Variants in ZNF317 observed in about 807,000 individuals in gnomAD.
ZNF317 encodes KRAB-containing zinc finger protein 317.
Under a neutral mutation model 23.4 loss-of-function variants are expected in ZNF317, and 17 were observed. The observed-to-expected ratio is 0.73, with a 90% confidence interval of 0.50 to 1.09. The LOEUF (loss-of-function observed/expected upper bound fraction) is 1.09. ZNF317 is among the 50% of genes least tolerant of loss of function. The pLI is 0.00. For synonymous variants in ZNF317, 317 were observed against 314.9 expected, an observed-to-expected ratio of 1.01 and a Z score of -0.07; for missense variants, 679 against 796.7, an observed-to-expected ratio of 0.85 and a Z score of 1.78.
At position 9,161,320 on chromosome 19, in the gene ZNF317, G is replaced by A. The variant is rs775330332; in HGVS notation, c.1675G>A (p.Glu559Lys). Residue 559 changes from glutamate to lysine, a missense_variant, in exon 7 of 7, where the codon GAA becomes AAA. Physicochemically the swap from Glu to Lys is moderately conservative, Grantham distance 56 (BLOSUM62 1). Transcript: ENST00000247956. The surrounding 1 kb of genome is among the most constrained non-coding windows in gnomAD (Gnocchi z 4.0). ...RRIHTGEKPYECLVCGKAFSD... is the reference protein window; with the variant it reads ...RRIHTGEKPYKCLVCGKAFSD... ...GATCCACACCGGGGAGAAGCCCTACGAATGCCTTGTCTGCGGGAAAGCCTT... is the reference window on the plus strand; with the variant it reads ...GATCCACACCGGGGAGAAGCCCTACAAATGCCTTGTCTGCGGGAAAGCCTT... 10 of 1,613,880 alleles carry A rather than the reference G, an allele frequency of 6.2e-6. No homozygotes were observed. Among genetic ancestry groups the A allele is most frequent in the Admixed American group, 1.7e-5 (1 of 59,992 alleles).
chr19:9,147,330 G>GT (rs35259257), intron 1 of ZNF317, among the ~76,000 whole-genome samples: 1,111 of 110,104 alleles, frequency 0.01, 89 homozygotes, highest in African/African-American at 0.016. Context: ...AATGACACTG[G>GT]TTTTTTTTTT....
intron 5 of ZNF317, 23 bp downstream of exon 5, chr19:9,158,098 G>C: frequency 6.5e-7 from 1 of 1,546,086 alleles, no homozygotes; most frequent in South Asian, 1.2e-5. Context: ...CAGGCAAAGA[G>C]CGGTGCTGTG....
Position 9,147,852 on chromosome 19 carries a change from CAT to C in ZNF317, c.-93+7263_-93+7264del, listed in dbSNP as rs147207913. 2.5e-3 allele frequency among the ~76,000 whole-genome samples: 384 copies of C among 152,270 alleles called. 2 individuals carry two copies. Among genetic ancestry groups the C allele is most frequent in the African/African-American group, 8.6e-3 (356 of 41,552 alleles). On this transcript the variant is annotated intron_variant, in intron 1 of 6. Coordinates refer to ENST00000247956, the MANE Select transcript of ZNF317 (RefSeq NM_020933.5). ...CCGCCCCCTCCCCCCCTCCAAATCT[CAT>C]ATGGAAATGTAATTCCCAATATTGG...
chr19:9,159,111 G>T (rs2050819565), intron 6 of ZNF317, among the ~76,000 whole-genome samples: 1 of 152,218 alleles, frequency 6.6e-6, no homozygotes, highest in South Asian at 2.1e-4. Flanking sequence ...TCTGAGTGAA[G>T]ATTTTTATAG....
rs34153792 is a variant in ZNF317 at position 9,143,739 on chromosome 19, T to TCC, written c.-93+3152_-93+3153dup. On this transcript the variant is annotated intron_variant, in intron 1 of 6. Coordinates refer to ENST00000247956, the MANE Select transcript of ZNF317 (RefSeq NM_020933.5). ...TCATCCATTTCTCCTTAGAATTCTG[T>TCC]CCCCCCTTTTTTTTTTTTAATTTTT... is the stretch of plus-strand genomic sequence containing the variant. 2.6e-3 allele frequency among the ~76,000 whole-genome samples: 381 copies of TCC among 144,250 alleles called. 2 individuals are homozygous for TCC. Among genetic ancestry groups the TCC allele is most frequent in the African/African-American group, 9.1e-3 (348 of 38,302 alleles). The allele number at this position is 144,250 out of a possible 152,430, so 94.6% of individuals were successfully genotyped here. A position where few individuals can be genotyped will look rare whatever the true frequency, so the allele number is the denominator to read the frequency against.
chr19:9,158,731 A>G (rs1304535645), intron 5 of ZNF317, 95 bp from the exon 6 acceptor site: 14 of 823,216 alleles, frequency 1.7e-5, no homozygotes, highest in Non-Finnish European at 2.7e-5. Context: ...TTCCTTACAT[A>G]GCCTTAGGAT....
rs2050802515 is a variant in ZNF317 at position 9,157,849 on chromosome 19, C to G, written c.290-131C>G. ...TGTTCCTTAGAAATTTTGGCACCAC[C>G]ATTTTGCTGCTCCTAAGTCAGACTT... On this transcript the variant is annotated intron_variant, in intron 4 of 6. Transcript: ENST00000247956. 4.3e-6 allele frequency: 6 copies of G among 1,405,948 alleles called. No homozygotes were observed. The South Asian group carries it at 8.5e-5, about 20-fold the overall frequency. The allele number at this position is 1,405,948 out of a possible 1,614,324, so 87.1% of individuals were successfully genotyped here.
In ZNF317 at chr19:9,156,054, G is replaced by T. The variant is rs767910664; in HGVS notation, c.25+13G>T. The T allele has an allele frequency of 9.9e-6, 16 of 1,614,030 alleles. No individual in the cohort carries two copies. In the African/African-American group the frequency reaches 1.7e-4, roughly 18 times the overall value. On this transcript the variant is annotated intron_variant, in intron 2 of 6. Transcript: ENST00000247956. ...TCCCCCACATTTGGTAAGTTCTTGGGTCAGTGCGTGCCCTGAGAAAGTGAG... is the reference window on the plus strand; with the variant it reads ...TCCCCCACATTTGGTAAGTTCTTGGTTCAGTGCGTGCCCTGAGAAAGTGAG...
At chr19:9,153,154 TTGTTTG>T (rs2050751040) in intron 1 of ZNF317, among the ~76,000 whole-genome samples, 4 of 139,700 alleles carry the variant, frequency 2.9e-5, no homozygotes, top group South Asian at 2.1e-4. Context: ...TTGTTTTTGT[TTGTTTG>T]TTTGTTTGTT....
Position 9,160,269 on chromosome 19 carries a change from C to T in ZNF317, c.624C>T (p.His208=). 3 of 1,614,184 alleles carry T rather than the reference C, an allele frequency of 1.9e-6. No homozygotes were observed. The highest frequency in any genetic ancestry group is 2.5e-6 in the Non-Finnish European group (3 of 1,180,036). The change falls in exon 7 of 7, where the codon CAC becomes CAT. Residue 208 remains histidine, a synonymous_variant. Coordinates refer to ENST00000247956, the MANE Select transcript of ZNF317 (RefSeq NM_020933.5). This position sits in a 1 kb window ranked among gnomAD's most constrained non-coding sequence, Gnocchi z 6.8. ...DYGVAFKGRP[H]LTQHMSMYDG... is the part of the protein sequence containing the mutation. Reference sequence around the variant, plus strand: ...GGGTAGCGTTCAAGGGCAGGCCGCACCTCACTCAGCACATGAGCATGTACG... The same window carrying T: ...GGGTAGCGTTCAAGGGCAGGCCGCATCTCACTCAGCACATGAGCATGTACG...
chr19:9,152,999 A>C (rs1319824637), intron 1 of ZNF317, among the ~76,000 whole-genome samples: 1 of 152,166 alleles, frequency 6.6e-6, no homozygotes, highest in East Asian at 1.9e-4. Flanking sequence ...TAGTAATTCT[A>C]GCTGTAGTTT....
At chr19:9,145,227 TA>T (rs1477208783) in intron 1 of ZNF317, among the ~76,000 whole-genome samples, 1 of 152,214 alleles carries the variant, frequency 6.6e-6, no homozygotes. Context: ...GTATTTTTAG[TA>T]AAGACAAGGT....
rs777668084 is a variant in ZNF317 at position 9,160,999 on chromosome 19, G to T, written c.1354G>T (p.Gly452Trp). The T allele has an allele frequency of 3.7e-6, 6 of 1,614,188 alleles. No homozygotes were observed. Among genetic ancestry groups the T allele is most frequent in the Non-Finnish European group, 5.1e-6 (6 of 1,180,042 alleles). Reference protein sequence around the residue: ...GEKPYGCDLCGKAFSASSNLT... With the variant: ...GEKPYGCDLCWKAFSASSNLT... ...GAAACCATACGGGTGCGATCTCTGC[G>T]GGAAAGCTTTCAGCGCGAGTTCAAA... is the stretch of plus-strand genomic sequence containing the variant. The change falls in exon 7 of 7, where the codon GGG becomes TGG. Residue 452 changes from glycine to tryptophan, a missense_variant. Transcript: ENST00000247956. The surrounding 1 kb of genome is among the most constrained non-coding windows in gnomAD (Gnocchi z 6.8).
intron 1 of ZNF317, among the ~76,000 whole-genome samples, chr19:9,148,006 G>T (rs553234041): frequency 6.6e-6 from 1 of 152,056 alleles, no homozygotes; most frequent in Non-Finnish European, 1.5e-5. Context: ...TCATTTACAC[G>T]TGTGTGGCAC....
Position 9,158,363 on chromosome 19 carries a change from CTTTTTTTTT to C in ZNF317, c.385+308_385+316del, listed in dbSNP as rs200591339. Among the ~76,000 whole-genome samples the C allele has an allele frequency of 4.2e-4, 32 of 76,532 alleles. 1 individual carries two copies. The highest frequency in any genetic ancestry group is 1.3e-3 in the South Asian group (3 of 2,288). 50.2% of individuals were successfully genotyped at this position (76,532 alleles called of 152,430 possible). ...CTGAATTGCCTTAAATTTCTTTTTT[CTTTTTTTTT>C]TTTTTTTTTTTTTTTTTTTGACGGA... On this transcript the variant is annotated intron_variant, in intron 5 of 6. Transcript: ENST00000247956.
chr19:9,150,544 A>G (rs539144951), intron 1 of ZNF317, among the ~76,000 whole-genome samples: 3 of 152,250 alleles, frequency 2.0e-5, no homozygotes, highest in East Asian at 3.9e-4. Flanking sequence ...GTGTTTCACA[A>G]TGTGGACCTG....
At position 9,160,310 on chromosome 19, in the gene ZNF317, A is replaced by G. The variant is rs1464162397; in HGVS notation, c.665A>G (p.His222Arg). Reference protein sequence around the residue: ...HMSMYDGRKMHECHQCQKAFT... With the variant: ...HMSMYDGRKMRECHQCQKAFT... ...AGCATGTACGACGGGAGAAAAATGC[A>G]TGAATGTCATCAGTGCCAAAAAGCC... Residue 222 changes from histidine to arginine, a missense_variant, in exon 7 of 7, where the codon CAT becomes CGT. Physicochemically the swap from His to Arg is conservative, Grantham distance 29. Transcript: ENST00000247956. This position sits in a 1 kb window ranked among gnomAD's most constrained non-coding sequence, Gnocchi z 6.8. The G allele has an allele frequency of 3.7e-6, 6 of 1,614,216 alleles. No homozygotes were observed.
intron 1 of ZNF317, among the ~76,000 whole-genome samples, chr19:9,149,369 G>A (rs1435190223): frequency 6.6e-6 from 1 of 152,076 alleles, no homozygotes; most frequent in Non-Finnish European, 1.5e-5. Context: ...CTACTTGGGA[G>A]CCTGAGGCGG....
chr19:9,155,613 C>T (rs142373054), intron 1 of ZNF317, among the ~76,000 whole-genome samples: 1 of 152,104 alleles, frequency 6.6e-6, no homozygotes, highest in Non-Finnish European at 1.5e-5. Context: ...TCGCAGGCCT[C>T]GAAGGTGAAG....
Sources: gnomAD v4.1 joint callset for allele counts (sites outside exome capture counted in the v4.1 genomes callset) on GRCh38, gnomAD v4.1.1 for gene constraint, Gnocchi (gnomAD v3.1) non-coding constraint, MANE v1.5 for transcripts, NCBI Gene and HGNC (gene_info 2026-07-23, HGNC 2026-07-21) for gene names.